TASP1: variants seen among roughly 807,000 people sequenced by gnomAD.
TASP1 encodes the protein threonine aspartase 1.
Under a neutral mutation model 56.6 loss-of-function variants are expected in TASP1, and 16 were observed. That is an observed-to-expected ratio of 0.28 (90% CI 0.19 to 0.43). TASP1 has a LOEUF of 0.43. Among genes scored for constraint, TASP1 ranks in the 20% least tolerant of loss-of-function variants. The pLI is 1.00. For synonymous variants in TASP1, 179 were observed against 184.2 expected (o/e 0.97, Z 0.23); for missense variants, 393 against 511.6 (o/e 0.77, Z 2.24).
chr20:13,597,110 G>C (rs899702040), intron 4 of TASP1, among the ~76,000 whole-genome samples: 2 of 152,190 alleles, frequency 1.3e-5, no homozygotes, highest in East Asian at 1.9e-4. Context: ...GGTACAAAGG[G>C]GAGCTGGTAT....
intron 8 of TASP1, among the ~76,000 whole-genome samples, chr20:13,535,167 G>C (rs1263107504): frequency 6.6e-6 from 1 of 152,112 alleles, no homozygotes; most frequent in Non-Finnish European, 1.5e-5. Context: ...AGCAGGACTT[G>C]GTTGGTACTG....
At chr20:13,425,254 A>C (rs890063927) in intron 12 of TASP1, among the ~76,000 whole-genome samples, 1 of 152,196 alleles carries the variant, frequency 6.6e-6, no homozygotes, top group Non-Finnish European at 1.5e-5. Flanking sequence ...TTATGGGTTA[A>C]AAGAGCTACA....
chr20:13,530,349 T>G (rs939849602), intron 9 of TASP1, among the ~76,000 whole-genome samples: 2 of 152,288 alleles, frequency 1.3e-5, no homozygotes, highest in African/African-American at 4.8e-5. Flanking sequence ...ACACCACGCT[T>G]CTAAAATACA....
At chr20:13,446,697 G>GA (rs1232179442) in intron 11 of TASP1, among the ~76,000 whole-genome samples, 1 of 152,082 alleles carries the variant, frequency 6.6e-6, no homozygotes, top group East Asian at 1.9e-4. Context: ...GTTTTTATCA[G>GA]AAAAAACGGA....
At chr20:13,372,561 A>G in the TASP1 span, among the ~76,000 whole-genome samples, 2 of 151,362 alleles carry the variant, frequency 1.3e-5, no homozygotes, top group Admixed American at 6.6e-5. Context: ...TTTTATATAT[A>G]TACATATATA....
intron 11 of TASP1, among the ~76,000 whole-genome samples, chr20:13,475,662 A>C (rs1229169459): frequency 1.3e-5 from 2 of 152,168 alleles, no homozygotes; most frequent in Non-Finnish European, 2.9e-5. Context: ...TGGGAGGCCG[A>C]GGTTGGGGGA....
At chr20:13,189,494 C>T in the TASP1 span, among the ~76,000 whole-genome samples, 1 of 152,024 alleles carries the variant, frequency 6.6e-6, no homozygotes, top group African/African-American at 2.4e-5. Context: ...GGGCGAAGGA[C>T]ATAAATAGAC....
chr20:13,539,586 C>T (rs1568560156), intron 8 of TASP1, among the ~76,000 whole-genome samples: 1 of 152,154 alleles, frequency 6.6e-6, no homozygotes, highest in Non-Finnish European at 1.5e-5. Context: ...AATCTTTATA[C>T]TATTTATTTC....
chr20:13,394,117 C>A (rs1286920340), intron 13 of TASP1, among the ~76,000 whole-genome samples: 1 of 151,022 alleles, frequency 6.6e-6, no homozygotes, highest in Non-Finnish European at 1.5e-5. Context: ...CCCACCTCTA[C>A]TAAAAATACA....
At chr20:13,481,096 G>A (rs574689447) in intron 11 of TASP1, among the ~76,000 whole-genome samples, 366 of 151,844 alleles carry the variant, frequency 2.4e-3, no homozygotes, top group Non-Finnish European at 4.1e-3. Context: ...CCCACCTCCC[G>A]CCAAGTCCTC....
chr20:13,411,876 C>G (rs115451037), intron 13 of TASP1, among the ~76,000 whole-genome samples: 4 of 152,190 alleles, frequency 2.6e-5, no homozygotes, highest in Non-Finnish European at 5.9e-5. Flanking sequence ...GGCTTCTGTA[C>G]AACACTGCCT....
the TASP1 span, among the ~76,000 whole-genome samples, chr20:13,361,232 T>G: frequency 6.6e-6 from 1 of 152,158 alleles, no homozygotes; most frequent in African/African-American, 2.4e-5. Flanking sequence ...AGGTAGACGC[T>G]TTTCACTGGA....
chr20:13,226,281 C>G, the TASP1 span, among the ~76,000 whole-genome samples: 1 of 152,134 alleles, frequency 6.6e-6, no homozygotes, highest in Non-Finnish European at 1.5e-5. Flanking sequence ...GGAGTTCATC[C>G]AAGCCACTTA....
chr20:13,616,057 CCAAA>C (rs1227425919), intron 4 of TASP1, among the ~76,000 whole-genome samples: 1 of 151,726 alleles, frequency 6.6e-6, no homozygotes, highest in Non-Finnish European at 1.5e-5. Flanking sequence ...TGACACAGAT[CCAAA>C]CAAACACAAA....
chr20:13,605,471 G>A (rs748182555), intron 4 of TASP1, among the ~76,000 whole-genome samples: 14 of 151,958 alleles, frequency 9.2e-5, no homozygotes, highest in Non-Finnish European at 1.5e-4. Flanking sequence ...CAAGGTCGGC[G>A]GTTTGAGACC....
the TASP1 span, among the ~76,000 whole-genome samples, chr20:13,359,889 C>T: frequency 1.3e-5 from 2 of 151,912 alleles, no homozygotes; most frequent in African/African-American, 2.4e-5. Context: ...CCTTGGCGGC[C>T]GATCATGCAC....
intron 13 of TASP1, among the ~76,000 whole-genome samples, chr20:13,413,998 C>A (rs2042173641): frequency 6.6e-6 from 1 of 152,086 alleles, no homozygotes; most frequent in South Asian, 2.1e-4. Flanking sequence ...GTAAGTTTAA[C>A]CATGATAAAA....
At chr20:13,470,040 C>T (rs1305054346) in intron 11 of TASP1, among the ~76,000 whole-genome samples, 1 of 151,746 alleles carries the variant, frequency 6.6e-6, no homozygotes, top group Non-Finnish European at 1.5e-5. Context: ...AACTCCTGAC[C>T]TCAAATGATC....
chr20:13,500,255 GTA>G (rs2043896068), intron 10 of TASP1, among the ~76,000 whole-genome samples: 1 of 134,190 alleles, frequency 7.5e-6, no homozygotes, highest in Non-Finnish European at 1.6e-5. Context: ...GTGTGTCTGT[GTA>G]TGTGTGTATA....
Sources: allele counts gnomAD v4.1 joint callset (sites outside exome capture counted in the v4.1 genomes callset), GRCh38; gene constraint gnomAD v4.1.1; transcripts MANE v1.5; gene names NCBI Gene and HGNC (gene_info 2026-07-23, HGNC 2026-07-21).